NKAIN3: variants seen among roughly 807,000 people sequenced by gnomAD.
The protein encoded by NKAIN3 is sodium/potassium transporting ATPase interacting 3, also known as sodium/potassium-transporting ATPase subunit beta-1-interacting protein 3.
A neutral mutation model predicts 30.2 loss-of-function variants in NKAIN3; 25 were observed. The observed-to-expected ratio is 0.83, with a 90% CI of 0.60 to 1.16. The LOEUF (loss-of-function observed/expected upper bound fraction) is 1.16, where lower values mean the gene tolerates loss of function less well. Ranked by LOEUF, NKAIN3 falls within the 50% of genes most tolerant of loss-of-function variation. The pLI, the probability that NKAIN3 is intolerant of heterozygous loss-of-function variation, is 0.00. For missense variants in NKAIN3, 225 were observed against 254.1 expected (o/e 0.89, Z 0.78); for synonymous variants, 91 against 89.6 (o/e 1.02, Z -0.09).
chr8:62,369,273 G>A (rs1413178080), intron 1 of NKAIN3, among the ~76,000 whole-genome samples: 1 of 152,080 alleles, frequency 6.6e-6, no homozygotes. Flanking sequence ...TTCTGGTTAA[G>A]TACTCTGGTT....
At chr8:62,551,074 A>G (rs1563453081) in intron 1 of NKAIN3, among the ~76,000 whole-genome samples, 1 of 152,182 alleles carries the variant, frequency 6.6e-6, no homozygotes, top group African/African-American at 2.4e-5. Context: ...GTAGAGAGCT[A>G]AACACATAAA....
intron 1 of NKAIN3, among the ~76,000 whole-genome samples, chr8:62,476,342 C>T (rs1028066509): frequency 2.6e-5 from 4 of 152,144 alleles, no homozygotes; most frequent in Admixed American, 6.5e-5. Context: ...ATTGTGGAAG[C>T]GTTGACTATT....
chr8:62,708,852 G>A lies in NKAIN3; in HGVS notation c.274-38080G>A, dbSNP rs1436544939. Among the ~76,000 whole-genome samples, 9 of 152,182 alleles carry A rather than the reference G, an allele frequency of 5.9e-5. No individual in the cohort carries two copies. In the East Asian group the frequency reaches 1.3e-3, roughly 23 times the overall value. ...TTTCCCATTCAGTATTATGTTGGCT[G>A]TGGGTTTGCCATAGATGGCTTTTAT... On this transcript the variant is annotated intron_variant, in intron 3 of 6. Transcript: ENST00000623646.
Position 62,491,360 on chromosome 8 carries a change from A to AT in NKAIN3, c.55-88175dup, listed in dbSNP as rs557357494. On this transcript the variant is annotated intron_variant, in intron 1 of 6. Coordinates refer to ENST00000623646, the MANE Select transcript of NKAIN3 (RefSeq NM_001304533.3). ...TTATCTCCATGTTGTCTCCATTGTTATTTTGCCTAGATTACTTGTTGATTC... is the reference window on the plus strand; with the variant it reads ...TTATCTCCATGTTGTCTCCATTGTTATTTTTGCCTAGATTACTTGTTGATTC... Among the ~76,000 whole-genome samples, 591 of 152,162 alleles carry AT rather than the reference A, an allele frequency of 3.9e-3. 5 individuals are homozygous for AT. Among genetic ancestry groups the AT allele is most frequent in the African/African-American group, 0.014 (571 of 41,516 alleles).
intron 4 of NKAIN3, among the ~76,000 whole-genome samples, chr8:62,870,552 A>G (rs1217698248): frequency 7.2e-6 from 1 of 138,546 alleles, no homozygotes; most frequent in Non-Finnish European, 1.5e-5. Context: ...ACATATATAT[A>G]CTATATATAC....
chr8:62,269,720 TTAA>T (rs1812721994), intron 1 of NKAIN3, among the ~76,000 whole-genome samples: 1 of 152,190 alleles, frequency 6.6e-6, no homozygotes, highest in Non-Finnish European at 1.5e-5. Context: ...TCCTATATTG[TTAA>T]TGATACTCAA....
chr8:62,292,133 C>G (rs1018747520), intron 1 of NKAIN3, among the ~76,000 whole-genome samples: 1 of 152,104 alleles, frequency 6.6e-6, no homozygotes, highest in Non-Finnish European at 1.5e-5. Context: ...ACATGTATCT[C>G]TGCATGTGAG....
intron 4 of NKAIN3, among the ~76,000 whole-genome samples, chr8:62,900,163 G>A (rs904345517): frequency 2.6e-5 from 4 of 152,108 alleles, no homozygotes; most frequent in Admixed American, 6.6e-5. Context: ...AAGGCCAAAC[G>A]TAAAGTCTAA....
At chr8:62,960,598 A>G (rs923815017) in intron 6 of NKAIN3, among the ~76,000 whole-genome samples, 1 of 151,948 alleles carries the variant, frequency 6.6e-6, no homozygotes, top group East Asian at 1.9e-4. Flanking sequence ...AAAGCCAATG[A>G]TATAAACCAA....
intron 1 of NKAIN3, among the ~76,000 whole-genome samples, chr8:62,313,728 A>G (rs1305484904): frequency 6.6e-6 from 1 of 152,192 alleles, no homozygotes; most frequent in East Asian, 1.9e-4. Flanking sequence ...CCTTTCAAAA[A>G]CTGTGTTATA....
At chr8:62,407,411 T>TTTGTTTGTTTGTTTTTTGTTTTTTG (rs1563384661) in intron 1 of NKAIN3, among the ~76,000 whole-genome samples, 22 of 29,488 alleles carry the variant, frequency 7.5e-4, no homozygotes, top group African/African-American at 3.0e-3. Flanking sequence ...GTTTTTTTTT[T>TTTGTTTGTTTGTTTTTTGTTTTTTG]TTTTTTTTGA....
intron 4 of NKAIN3, among the ~76,000 whole-genome samples, chr8:62,751,912 CT>C (rs1816297253): frequency 6.6e-6 from 1 of 151,694 alleles, no homozygotes; most frequent in South Asian, 2.1e-4. Context: ...GCCCTGACAC[CT>C]GAGCACACTA....
chr8:62,550,849 C>A (rs1340478149), intron 1 of NKAIN3, among the ~76,000 whole-genome samples: 1 of 152,132 alleles, frequency 6.6e-6, no homozygotes, highest in Non-Finnish European at 1.5e-5. Context: ...GAGAATAATA[C>A]AAATTCCTAG....
rs386412922 is a variant in NKAIN3 at position 62,971,072 on chromosome 8, C to CTT, written c.*5666_*5667insTT. 1.3e-5 allele frequency among the ~76,000 whole-genome samples: 1 copy of CTT among 74,500 alleles called. No individual in the cohort carries two copies. The highest frequency in any genetic ancestry group is 6.2e-5 in the African/African-American group (1 of 16,162). 48.9% of individuals were successfully genotyped at this position (74,500 alleles called of 152,430 possible). A position where few individuals can be genotyped will look rare whatever the true frequency, so the allele number is the denominator to read the frequency against. Reference sequence around the variant, plus strand: ...CCTAGAGACAAGGACCGAGACTCCTCTCATTGCTTCATCCTCTGTGGCCGC... The same window carrying CTT: ...CCTAGAGACAAGGACCGAGACTCCTCTTTCATTGCTTCATCCTCTGTGGCCGC... On this transcript the variant is annotated 3_prime_UTR_variant, in exon 7 of 7. Coordinates refer to ENST00000623646, the MANE Select transcript of NKAIN3 (RefSeq NM_001304533.3).
At chr8:62,555,793 T>C (rs1423083374) in intron 1 of NKAIN3, among the ~76,000 whole-genome samples, 1 of 152,020 alleles carries the variant, frequency 6.6e-6, no homozygotes, top group African/African-American at 2.4e-5. Context: ...TAGTCAATCT[T>C]CAAAACTTCA....
intron 4 of NKAIN3, among the ~76,000 whole-genome samples, chr8:62,803,615 G>A (rs902459131): frequency 6.6e-6 from 1 of 152,070 alleles, no homozygotes; most frequent in African/African-American, 2.4e-5. Context: ...ATTCAAAGCA[G>A]TGTGTAGAGG....
intron 4 of NKAIN3, among the ~76,000 whole-genome samples, chr8:62,888,320 G>A (rs1459978543): frequency 6.6e-6 from 1 of 152,144 alleles, no homozygotes; most frequent in Non-Finnish European, 1.5e-5. Flanking sequence ...CCCTGCTGAG[G>A]GCACAAGGGG....
chr8:62,638,217 G>T (rs1322637990), intron 3 of NKAIN3, among the ~76,000 whole-genome samples: 1 of 152,126 alleles, frequency 6.6e-6, no homozygotes, highest in African/African-American at 2.4e-5. Flanking sequence ...AGCAGTGATG[G>T]TAGGAGGAGG....
chr8:62,993,856 A>T (rs1413046394), intron 5 of NKAIN3, among the ~76,000 whole-genome samples: 1 of 152,166 alleles, frequency 6.6e-6, no homozygotes, highest in Non-Finnish European at 1.5e-5. Flanking sequence ...TCATTGAGAT[A>T]ATTTCTGCCC....
Sources: allele counts gnomAD v4.1 joint callset (sites outside exome capture counted in the v4.1 genomes callset), GRCh38; gene constraint gnomAD v4.1.1; transcripts MANE v1.5; gene names NCBI Gene and HGNC (gene_info 2026-07-23, HGNC 2026-07-21).